TMEM131L: variants seen among roughly 807,000 people sequenced by gnomAD.
TMEM131L encodes the protein transmembrane protein 131-like.
TMEM131L carries 54 observed loss-of-function variants against 192.2 expected under a neutral mutation model. The ratio of observed to expected loss-of-function variants is 0.28; its 90% CI spans 0.23 to 0.35. TMEM131L has a LOEUF of 0.35. TMEM131L is among the 10% of genes least tolerant of loss of function. The pLI, the probability that TMEM131L is intolerant of heterozygous loss-of-function variation, is 1.00. For missense variants in TMEM131L, 1,888 were observed against 1,972.9 expected (o/e 0.96, Z 0.82); for synonymous variants, 701 against 704.9 (o/e 0.99, Z 0.09).
intron 3 of TMEM131L, among the ~76,000 whole-genome samples, chr4:153,475,841 G>A (rs1178479492): frequency 6.6e-6 from 1 of 152,132 alleles, no homozygotes; most frequent in Non-Finnish European, 1.5e-5. Context: ...TAGGTTATAT[G>A]CAAATACTAT....
chr4:153,632,951 T>A, intron 32 of TMEM131L, 113 bp downstream of exon 32: 1 of 1,270,918 alleles, frequency 7.9e-7, no homozygotes, highest in Middle Eastern at 1.9e-4. Flanking sequence ...GCTTCTTCCT[T>A]GGTGTACTTT....
chr4:153,495,462 G>A (rs964662294), intron 3 of TMEM131L, among the ~76,000 whole-genome samples: 1 of 152,218 alleles, frequency 6.6e-6, no homozygotes, highest in Non-Finnish European at 1.5e-5. Context: ...ACATCAATGA[G>A]TAGGTATAAG....
intron 7 of TMEM131L, among the ~76,000 whole-genome samples, chr4:153,571,291 G>T (rs1312610538): frequency 1.3e-5 from 2 of 152,058 alleles, no homozygotes; most frequent in Non-Finnish European, 2.9e-5. Flanking sequence ...TTTCCTCTTT[G>T]CTGTGCCTTC....
intron 31 of TMEM131L, among the ~76,000 whole-genome samples, chr4:153,629,146 C>T (rs1279934252): frequency 6.6e-6 from 1 of 152,216 alleles, no homozygotes; most frequent in African/African-American, 2.4e-5. Flanking sequence ...GCCAGCTGCC[C>T]CTGTGGATTC....
At chr4:153,625,379 ACT>A (rs1361386894) in intron 29 of TMEM131L, among the ~76,000 whole-genome samples, 3 of 151,752 alleles carry the variant, frequency 2.0e-5, no homozygotes, top group South Asian at 4.2e-4. Flanking sequence ...ACAAAGCGAG[ACT>A]CTGTCTCGAC....
intron 3 of TMEM131L, among the ~76,000 whole-genome samples, chr4:153,485,054 G>A (rs962232119): frequency 6.8e-6 from 1 of 146,624 alleles, no homozygotes; most frequent in African/African-American, 2.5e-5. Context: ...GGGAAGTGGA[G>A]CTTGCAGTGA....
chr4:153,603,014 T>C (rs1244241059), intron 23 of TMEM131L, among the ~76,000 whole-genome samples: 1 of 152,204 alleles, frequency 6.6e-6, no homozygotes, highest in Non-Finnish European at 1.5e-5. Context: ...TAATTACTTG[T>C]GTTAGCTCAT....
intron 3 of TMEM131L, among the ~76,000 whole-genome samples, chr4:153,549,467 T>A (rs1737442716): frequency 6.6e-6 from 1 of 152,266 alleles, no homozygotes; most frequent in African/African-American, 2.4e-5. Context: ...ATCTTTATTA[T>A]GGTTTTCTTT....
In TMEM131L at chr4:153,634,246, A is replaced by T. The variant is rs531717745; in HGVS notation, c.4383A>T (p.Pro1461=). Reference sequence around the variant, plus strand: ...GCCAGTTTTCCAGCGCATACTGTCCATTGGAATTGAACGATTACAATGCCT... The same window carrying T: ...GCCAGTTTTCCAGCGCATACTGTCCTTTGGAATTGAACGATTACAATGCCT... ...CEGQFSSAYC[P]LELNDYNAFP... is the part of the protein sequence containing the mutation. Residue 1461 remains proline, a synonymous_variant, in exon 33 of 35, where the codon CCA becomes CCT. Transcript: ENST00000409959. 2.4e-5 allele frequency: 39 copies of T among 1,614,116 alleles called. No individual in the cohort carries two copies. In the South Asian group the frequency reaches 4.1e-4, roughly 17 times the overall value.
rs1194019035 is a variant in TMEM131L, at chr4:153,634,244, C to T, written c.4381C>T (p.Pro1461Ser). The T allele has an allele frequency of 6.2e-7, 1 of 1,614,048 alleles. No individual in the cohort carries two copies. ...CEGQFSSAYC[P>S]LELNDYNAFP... ...AGGCCAGTTTTCCAGCGCATACTGTCCATTGGAATTGAACGATTACAATGC... is the reference window on the plus strand; with the variant it reads ...AGGCCAGTTTTCCAGCGCATACTGTTCATTGGAATTGAACGATTACAATGC... The change falls in exon 33 of 35, where the codon CCA becomes TCA. Residue 1461 changes from proline to serine, a missense_variant. Coordinates refer to ENST00000409959, the MANE Select transcript of TMEM131L (RefSeq NM_001131007.2).
In TMEM131L at chr4:153,623,082, C is replaced by T. The variant is rs553482784; in HGVS notation, c.4044C>T (p.Ala1348=). ...PMVDAQHFLP[A]GDSVSQNDFP... The stretch of plus-strand genomic sequence containing the variant: ...TGGACGCCCAGCACTTCCTGCCGGC[C>T]GGTGAGTCCTGAGCAGAGCCCCAGG... The change falls in exon 29 of 35, where the codon GCC becomes GCT. Residue 1348 remains alanine, a splice_region_variant and synonymous_variant. Transcript: ENST00000409959. 3.6e-5 allele frequency: 58 copies of T among 1,596,376 alleles called. No homozygotes were observed. Among genetic ancestry groups the T allele is most frequent in the Admixed American group, 8.6e-5 (5 of 58,334 alleles).
At chr4:153,577,515 T>G (rs1730034998) in intron 7 of TMEM131L, among the ~76,000 whole-genome samples, 1 of 152,162 alleles carries the variant, frequency 6.6e-6, no homozygotes, top group African/African-American at 2.4e-5. Flanking sequence ...TCTGCTATCA[T>G]AGCACGAAGG....
chr4:153,609,012 T>C (rs750468460), intron 25 of TMEM131L, among the ~76,000 whole-genome samples: 2 of 152,180 alleles, frequency 1.3e-5, no homozygotes, highest in Non-Finnish European at 2.9e-5. Context: ...ATTAGTGTTC[T>C]TTCCATTTGT....
chr4:153,603,408 G>A lies in TMEM131L; in HGVS notation c.2745G>A (p.Gln915=), dbSNP rs1459497917. ...GGCAAAATGCTAGCTCCTCTTCACA[G>A]CAAAACAATGGTCCTATGGATGTAA... ...RQRQNASSSS[Q]QNNGPMDVIS... The change falls in exon 24 of 35, where the codon CAG becomes CAA. Residue 915 remains glutamine (Q), a synonymous_variant. Coordinates refer to ENST00000409959, the MANE Select transcript of TMEM131L (RefSeq NM_001131007.2). 2 of 1,614,036 alleles carry A rather than the reference G, an allele frequency of 1.2e-6. No individual in the cohort carries two copies. Among genetic ancestry groups the A allele is most frequent in the Non-Finnish European group, 1.7e-6 (2 of 1,179,962 alleles).
At chr4:153,563,499 G>T (rs995344294) in intron 7 of TMEM131L, among the ~76,000 whole-genome samples, 5 of 115,588 alleles carry the variant, frequency 4.3e-5, no homozygotes, top group Admixed American at 3.8e-4. Context: ...ACAGGGTCTC[G>T]CTCTGTCACC....
At chr4:153,617,266 C>G (rs763416609) in intron 26 of TMEM131L, among the ~76,000 whole-genome samples, 31 of 152,302 alleles carry the variant, frequency 2.0e-4, no homozygotes, top group Non-Finnish European at 3.5e-4. Context: ...TGAGGCCTCC[C>G]TAGCCACATG....
Position 153,602,578 on chromosome 4 carries a change from G to A in TMEM131L, c.2490G>A (p.Arg830=), listed in dbSNP as rs1355017881. ...TPDFTSSWVI[R]DLSLVTAADL... is the part of the protein sequence containing the mutation. ...ACTTTACCTCCTCCTGGGTAATTCGGGACCTAAGTCTTGTAACCGCAGCGG... is the reference window on the plus strand; with the variant it reads ...ACTTTACCTCCTCCTGGGTAATTCGAGACCTAAGTCTTGTAACCGCAGCGG... Residue 830 remains arginine, a synonymous_variant, in exon 23 of 35, where the codon CGG becomes CGA. Transcript: ENST00000409959. 2.5e-6 allele frequency: 4 copies of A among 1,613,986 alleles called. No individual in the cohort carries two copies. Among genetic ancestry groups the A allele is most frequent in the Non-Finnish European group, 3.4e-6 (4 of 1,179,976 alleles).
At chr4:153,494,354 T>C (rs751178656) in intron 3 of TMEM131L, among the ~76,000 whole-genome samples, 3 of 152,228 alleles carry the variant, frequency 2.0e-5, no homozygotes, top group Non-Finnish European at 4.4e-5. Flanking sequence ...TAATGTCCAA[T>C]AGTACATCCA....
At chr4:153,476,792 C>T (rs1399630409) in intron 3 of TMEM131L, among the ~76,000 whole-genome samples, 1 of 151,962 alleles carries the variant, frequency 6.6e-6, no homozygotes, top group Non-Finnish European at 1.5e-5. Context: ...AAATATCCAG[C>T]CATGAAGTTT....
Sources: allele counts gnomAD v4.1 joint callset (sites outside exome capture counted in the v4.1 genomes callset), GRCh38; gene constraint gnomAD v4.1.1; transcripts MANE v1.5; gene names NCBI Gene and HGNC (gene_info 2026-07-23, HGNC 2026-07-21).